DGKG: variants seen among roughly 807,000 people sequenced by gnomAD.
DGKG encodes diacylglycerol kinase gamma.
Under a neutral mutation model 105.3 loss-of-function variants are expected in DGKG, and 78 were observed. The ratio of observed to expected loss-of-function variants is 0.74; its 90% CI spans 0.62 to 0.89. DGKG has a LOEUF of 0.89. Among genes scored for constraint, DGKG ranks in the 40% least tolerant of loss-of-function variants. The pLI, the probability that DGKG is intolerant of heterozygous loss-of-function variation, is 0.00. For synonymous variants in DGKG, 346 were observed against 367.1 expected (o/e 0.94, Z 0.66); for missense variants, 958 against 1,020.1 (o/e 0.94, Z 0.83).
intron 2 of DGKG, among the ~76,000 whole-genome samples, chr3:186,308,966 G>A (rs1560147435): frequency 6.6e-6 from 1 of 152,106 alleles, no homozygotes; most frequent in Non-Finnish European, 1.5e-5. Flanking sequence ...AAATTAATTC[G>A]ACTTGCTCAA....
At chr3:186,258,115 A>T (rs1017379085) in intron 16 of DGKG, among the ~76,000 whole-genome samples, 176 bp from the exon 17 acceptor site, 6 of 152,210 alleles carry the variant, frequency 3.9e-5, no homozygotes, top group Non-Finnish European at 8.8e-5. Flanking sequence ...AGTGCCTTGA[A>T]TATGGAGCCA....
chr3:186,297,292 A>G, intron 5 of DGKG, 129 bp downstream of exon 5: 1 of 711,750 alleles, frequency 1.4e-6, no homozygotes, highest in South Asian at 1.7e-5. Context: ...TGAAGGCCAC[A>G]GGAGGACCAG....
intron 2 of DGKG, among the ~76,000 whole-genome samples, chr3:186,317,619 C>T (rs575490589): frequency 5.3e-5 from 8 of 152,304 alleles, no homozygotes; most frequent in South Asian, 2.1e-4. Context: ...GCCCAAGCCA[C>T]GTCCTCTACC....
intron 6 of DGKG, among the ~76,000 whole-genome samples, chr3:186,286,591 G>A (rs1178727383): frequency 1.3e-5 from 2 of 152,162 alleles, no homozygotes; most frequent in African/African-American, 4.8e-5. Flanking sequence ...TGGGATTTCA[G>A]GCTATTATTC....
At position 186,267,735 on chromosome 3, in the gene DGKG, C is replaced by T. The variant is rs756619637; in HGVS notation, c.1159G>A (p.Glu387Lys). The T allele has an allele frequency of 1.8e-5, 29 of 1,613,874 alleles. No individual in the cohort carries two copies. The South Asian group carries it at 2.9e-4, about 16-fold the overall frequency. ...GGCAGTAAGATGTGGTCTCTGAGTT[C>T]CCCACCGTCACACAACGTTGATAAT... is the stretch of plus-strand genomic sequence containing the variant. ...CELSTLCDGG[E>K]LRDHILLPTS... Residue 387 changes from glutamate (E) to lysine (K), a missense_variant, in exon 13 of 25, where the codon GAA (glutamate) becomes AAA (lysine). Physicochemically the swap from Glu to Lys is moderately conservative, Grantham distance 56. Coordinates refer to ENST00000265022, the MANE Select transcript of DGKG (RefSeq NM_001346.3).
intron 21 of DGKG, among the ~76,000 whole-genome samples, chr3:186,208,308 C>T (rs1476558055): frequency 2.0e-5 from 3 of 152,110 alleles, no homozygotes; most frequent in Non-Finnish European, 2.9e-5. Context: ...TCTCAATGTG[C>T]TGGGATTACA....
intron 24 of DGKG, 110 bp from the exon 25 acceptor site, chr3:186,150,298 T>C: frequency 1.5e-6 from 2 of 1,371,364 alleles, no homozygotes; most frequent in Non-Finnish European, 2.0e-6. Context: ...AGGAGCCCCA[T>C]GCAGAAGGAC....
chr3:186,275,421 G>A, intron 10 of DGKG, 126 bp downstream of exon 10: 4 of 805,656 alleles, frequency 5.0e-6, no homozygotes, highest in Non-Finnish European at 8.4e-6. Context: ...CCTTCTGTTG[G>A]GACAATATGG....
intron 2 of DGKG, among the ~76,000 whole-genome samples, chr3:186,312,636 C>CA (rs1175293350): frequency 4.0e-5 from 6 of 151,834 alleles, no homozygotes; most frequent in Admixed American, 6.6e-5. Context: ...GGCGCATGAG[C>CA]AAAAAAATAA....
At chr3:186,349,924 G>A (rs1726546137) in intron 1 of DGKG, among the ~76,000 whole-genome samples, 1 of 149,340 alleles carries the variant, frequency 6.7e-6, no homozygotes, top group African/African-American at 2.5e-5. Context: ...TCACTCTCTT[G>A]CCCAGGCTAG....
At position 186,164,954 on chromosome 3, in the gene DGKG, G is replaced by A. The variant is rs1440397718; in HGVS notation, c.2160C>T (p.Tyr720=). 6 of 1,613,982 alleles carry A rather than the reference G, an allele frequency of 3.7e-6. No individual in the cohort carries two copies. Among genetic ancestry groups the A allele is most frequent in the African/African-American group, 1.3e-5 (1 of 75,026 alleles). ...LEGAMEMGQI[Y]TGLKSAGRRL... is the part of the protein sequence containing the mutation. ...TCCTGCCTGCACTCTTCAGGCCGGT[G>A]TAGATCTGCCCCATCTCCATGGCTC... The change falls in exon 23 of 25, where the codon TAC becomes TAT. Residue 720 remains tyrosine, a synonymous_variant. Coordinates refer to ENST00000265022, the MANE Select transcript of DGKG (RefSeq NM_001346.3).
In DGKG at chr3:186,308,183, T is replaced by C. The variant is rs180710011; in HGVS notation, c.68-1206A>G. On this transcript the variant is annotated intron_variant, in intron 2 of 24. Transcript: ENST00000265022. ...GTGTTTTCGAAAATGCTGCTTTCCA[T>C]AGGAAATCATTCAGAAGCAACTGGA... Among the ~76,000 whole-genome samples the C allele has an allele frequency of 2.4e-4, 37 of 152,312 alleles. 1 individual carries two copies. The highest frequency in any genetic ancestry group is 7.9e-4 in the African/African-American group (33 of 41,570).
At chr3:186,326,737 C>A (rs572491413) in intron 1 of DGKG, among the ~76,000 whole-genome samples, 25 of 152,334 alleles carry the variant, frequency 1.6e-4, no homozygotes, top group African/African-American at 6.0e-4. Flanking sequence ...CAAAATGCTA[C>A]TCTCAAAAGT....
chr3:186,256,871 T>C (rs917943177), intron 17 of DGKG, among the ~76,000 whole-genome samples: 14 of 152,224 alleles, frequency 9.2e-5, no homozygotes, highest in African/African-American at 2.9e-4. Context: ...AGGTGTTAGA[T>C]TGCAGCCTTG....
At chr3:186,288,534 G>A (rs1358674717) in intron 6 of DGKG, among the ~76,000 whole-genome samples, 176 bp downstream of exon 6, 2 of 152,182 alleles carry the variant, frequency 1.3e-5, no homozygotes, top group Non-Finnish European at 2.9e-5. Flanking sequence ...GTCCCAGGGT[G>A]GATTCTAGGA....
At chr3:186,225,990 C>T (rs983938419) in intron 20 of DGKG, among the ~76,000 whole-genome samples, 2 of 152,144 alleles carry the variant, frequency 1.3e-5, no homozygotes, top group African/African-American at 4.8e-5. Flanking sequence ...AAAATATCAT[C>T]CAAATCTACC....
chr3:186,274,591 A>C (rs938786083), intron 10 of DGKG, among the ~76,000 whole-genome samples: 1 of 134,316 alleles, frequency 7.4e-6, no homozygotes, highest in African/African-American at 2.8e-5. Flanking sequence ...TCTGTGTCCA[A>C]GTGTTCTCAT....
intron 19 of DGKG, among the ~76,000 whole-genome samples, chr3:186,244,517 G>A (rs901543344): frequency 4.0e-5 from 6 of 150,922 alleles, no homozygotes; most frequent in Non-Finnish European, 7.4e-5. Flanking sequence ...AGATTCTTCC[G>A]CTTCAGCCTC....
chr3:186,288,243 A>G (rs1379512617), intron 6 of DGKG, among the ~76,000 whole-genome samples: 2 of 152,260 alleles, frequency 1.3e-5, no homozygotes, highest in South Asian at 2.1e-4. Context: ...ACAAAGGCTT[A>G]TCAAGACAGA....
Sources: gnomAD v4.1 joint callset for allele counts (sites outside exome capture counted in the v4.1 genomes callset) on GRCh38, gnomAD v4.1.1 for gene constraint, MANE v1.5 for transcripts, NCBI Gene and HGNC (gene_info 2026-07-23, HGNC 2026-07-21) for gene names.